PIGN: variants seen among roughly 807,000 people sequenced by gnomAD.
The protein encoded by PIGN is GPI ethanolamine phosphate transferase 1.
Under a neutral mutation model 125.4 loss-of-function variants are expected in PIGN, and 117 were observed. That is an observed-to-expected ratio of 0.93 (90% CI 0.80 to 1.09). The LOEUF (loss-of-function observed/expected upper bound fraction) is 1.09. PIGN is among the 50% of genes least tolerant of loss of function. The probability of loss-of-function intolerance (pLI) is 0.00; values close to 1 mark genes in which losing one functional copy is unlikely to be tolerated. For missense variants in PIGN, 1,075 were observed against 1,094.9 expected, an observed-to-expected ratio of 0.98 and a Z score of 0.26; for synonymous variants, 392 against 377.8, an observed-to-expected ratio of 1.04 and a Z score of -0.44.
At chr18:62,061,267 C>T (rs763010362) in intron 30 of PIGN, among the ~76,000 whole-genome samples, 2 of 151,964 alleles carry the variant, frequency 1.3e-5, no homozygotes, top group Non-Finnish European at 2.9e-5. Flanking sequence ...TAACAGGTGA[C>T]AAATCTCTCA....
chr18:62,035,514 A>C (rs1424233495), intron 23 of PIGN, among the ~76,000 whole-genome samples: 1 of 151,916 alleles, frequency 6.6e-6, no homozygotes, highest in Admixed American at 6.6e-5. Flanking sequence ...AAGAAACCTA[A>C]CTTATTACTT....
chr18:62,088,829 T>G lies in PIGN; in HGVS notation c.2297A>C (p.Gln766Pro), dbSNP rs2033831070. 6.5e-7 allele frequency: 1 copy of G among 1,538,516 alleles called. No individual in the cohort carries two copies. The highest frequency in any genetic ancestry group is 1.4e-5 in the African/African-American group (1 of 73,140). Residue 766 changes from glutamine (Q) to proline (P), a missense_variant, in exon 25 of 31, where the codon CAG (glutamine) becomes CCG (proline). Gln to Pro is a moderately conservative substitution (Grantham distance 76). Around this residue, in one of 3 missense-constraint regions of PIGN, gnomAD observed 915 missense variants for 908.7 expected, o/e 1.01. Transcript: ENST00000640252. ...VCCKQKLTSI[Q>P]FSYNTDITQF... ...AGTTATATCAGTATTATAAGAGAACTGGATACTGGTGAGCTGTGAGATAAT... is the reference window on the plus strand; with the variant it reads ...AGTTATATCAGTATTATAAGAGAACGGGATACTGGTGAGCTGTGAGATAAT...
chr18:62,112,915 T>C, intron 16 of PIGN: 2 of 479,052 alleles, frequency 4.2e-6, no homozygotes, highest in Non-Finnish European at 3.6e-6. Flanking sequence ...TCTATCTTTA[T>C]AGCTTTCTTA....
chr18:62,143,136 G>A (rs117471316), intron 11 of PIGN, among the ~76,000 whole-genome samples, 170 bp downstream of exon 11: 4 of 152,280 alleles, frequency 2.6e-5, no homozygotes, highest in Admixed American at 2.6e-4. Context: ...TTTGCCACAA[G>A]AGAGATTAGC....
intron 14 of PIGN, among the ~76,000 whole-genome samples, chr18:62,121,290 A>C (rs1026649088): frequency 6.6e-6 from 1 of 152,188 alleles, no homozygotes; most frequent in African/African-American, 2.4e-5. Context: ...AAGAGTTGGC[A>C]CCACAATTCC....
intron 2 of PIGN, 82 bp downstream of exon 2, chr18:62,163,449 G>A (rs1453740570): frequency 6.6e-6 from 1 of 152,092 alleles, no homozygotes; most frequent in Non-Finnish European, 1.5e-5. Flanking sequence ...TTTGTTTCAA[G>A]AGCATTTTGT....
intron 23 of PIGN, among the ~76,000 whole-genome samples, chr18:62,028,456 G>T (rs2030153274): frequency 6.6e-6 from 1 of 152,206 alleles, no homozygotes; most frequent in African/African-American, 2.4e-5. Context: ...AAATATTTTA[G>T]TTGAAAGAAA....
chr18:62,165,533 T>C lies in PIGN; in HGVS notation c.-235-1877A>G, dbSNP rs769143162. Among the ~76,000 whole-genome samples, 45 of 151,970 alleles carry C rather than the reference T, an allele frequency of 3.0e-4. 1 individual carries two copies. Among genetic ancestry groups the C allele is most frequent in the Non-Finnish European group, 2.2e-4 (15 of 68,038 alleles). On this transcript the variant is annotated intron_variant, in intron 1 of 30. Coordinates refer to ENST00000640252, the MANE Select transcript of PIGN (RefSeq NM_176787.5). Reference sequence around the variant, plus strand: ...TACAGGATATGGGGGGACGTAAAGCTGAGGGAGAAAGTATTGAGCATTTTC... The same window carrying C: ...TACAGGATATGGGGGGACGTAAAGCCGAGGGAGAAAGTATTGAGCATTTTC...
chr18:62,047,956 C>CA (rs553001305), intron 30 of PIGN, among the ~76,000 whole-genome samples: 314 of 151,700 alleles, frequency 2.1e-3, no homozygotes, highest in Middle Eastern at 0.014. Flanking sequence ...AACAAACACA[C>CA]AAAAAAACAG....
At chr18:62,164,278 A>G (rs2037054240) in intron 1 of PIGN, among the ~76,000 whole-genome samples, 1 of 152,242 alleles carries the variant, frequency 6.6e-6, no homozygotes, top group Non-Finnish European at 1.5e-5. Context: ...TGCTGCAGAC[A>G]TATTTTTACA....
chr18:62,114,511 T>G, intron 15 of PIGN, 50 bp downstream of exon 15: 1 of 1,146,542 alleles, frequency 8.7e-7, no homozygotes, highest in African/African-American at 1.5e-5. Context: ...CTCCTCTCCA[T>G]CCCCAAAATG....
intron 23 of PIGN, among the ~76,000 whole-genome samples, chr18:62,032,935 A>G (rs2030210802): frequency 6.6e-6 from 1 of 152,242 alleles, no homozygotes; most frequent in South Asian, 2.1e-4. Flanking sequence ...CAATGTATGC[A>G]TATCAATTAA....
At chr18:62,167,665 T>C (rs554045129) in intron 1 of PIGN, among the ~76,000 whole-genome samples, 1 of 140,060 alleles carries the variant, frequency 7.1e-6, no homozygotes, top group African/African-American at 2.5e-5. Context: ...CAAAGTTATA[T>C]GTCTCCATAA....
At chr18:62,089,808 G>A (rs17069445) in intron 24 of PIGN, among the ~76,000 whole-genome samples, 4,250 of 152,032 alleles carry the variant, frequency 0.028, 172 homozygotes, top group African/African-American at 0.09. Flanking sequence ...CATTTTATCC[G>A]ACCTTAGTAA....
chr18:62,092,331 G>A (rs183795767), intron 23 of PIGN, among the ~76,000 whole-genome samples: 109 of 152,134 alleles, frequency 7.2e-4, no homozygotes, highest in Non-Finnish European at 1.3e-3. Context: ...CTCATATATA[G>A]TTTGTTGTAG....
intron 25 of PIGN, among the ~76,000 whole-genome samples, chr18:62,087,499 A>C (rs1401841191): frequency 6.6e-6 from 1 of 152,226 alleles, no homozygotes; most frequent in African/African-American, 2.4e-5. Flanking sequence ...GGCAGCAACT[A>C]TAAATTTTTC....
chr18:62,021,847 G>A (rs1326923222), intron 23 of PIGN, among the ~76,000 whole-genome samples: 2 of 152,172 alleles, frequency 1.3e-5, no homozygotes, highest in African/African-American at 4.8e-5. Context: ...CAGGGTCTCG[G>A]CTGAGCTACA....
downstream of PIGN, among the ~76,000 whole-genome samples, chr18:62,039,454 T>A (rs1342746597): frequency 6.6e-6 from 1 of 151,978 alleles, no homozygotes; most frequent in Non-Finnish European, 1.5e-5. Flanking sequence ...CAGGGCCCCA[T>A]CCAGGATGCC....
chr18:62,147,010 T>C lies in PIGN; in HGVS notation c.766A>G (p.Thr256Ala), dbSNP rs2147287643. 3 of 1,612,410 alleles carry C rather than the reference T, an allele frequency of 1.9e-6. No individual in the cohort carries two copies. The East Asian group carries it at 6.7e-5, about 36-fold the overall frequency. Reference sequence around the variant, plus strand: ...CCATGGTCAGAGGTAAAGATAAATGTTGTTTTCCCATCATTTCCATAGAAG... The same window carrying C: ...CCATGGTCAGAGGTAAAGATAAATGCTGTTTTCCCATCATTTCCATAGAAG... ...NHFYGNDGKT[T>A]FIFTSDHGMT... is the part of the protein sequence containing the mutation. Residue 256 changes from threonine (T) to alanine (A), a missense_variant, in exon 9 of 31, where the codon ACA (threonine) becomes GCA (alanine). Thr to Ala is a moderately conservative substitution (Grantham distance 58). Transcript: ENST00000640252.
Sources: gnomAD v4.1 joint callset for allele counts (sites outside exome capture counted in the v4.1 genomes callset) on GRCh38, gnomAD v4.1.1 for gene constraint, gnomAD v4.1.1 regional missense constraint, MANE v1.5 for transcripts, NCBI Gene and HGNC (gene_info 2026-07-23, HGNC 2026-07-21) for gene names.